Variants in MYBPC3 observed in about 807,000 individuals in gnomAD.
MYBPC3 encodes myosin-binding protein C, cardiac-type.
A neutral mutation model predicts 159.3 loss-of-function variants in MYBPC3; 108 were observed. The ratio of observed to expected loss-of-function variants is 0.68; its 90% CI spans 0.58 to 0.80. The LOEUF (loss-of-function observed/expected upper bound fraction) is 0.80, where lower values mean the gene tolerates loss of function less well. Ranked by LOEUF, MYBPC3 falls within the 30% of genes least tolerant of loss-of-function variation. MYBPC3 has a pLI of 0.00. For synonymous variants in MYBPC3, 730 were observed against 702.0 expected (o/e 1.04, Z -0.63); for missense variants, 1,631 against 1,762.1 (o/e 0.93, Z 1.33).
intron 25 of MYBPC3, among the ~76,000 whole-genome samples, 176 bp downstream of exon 25, chr11:47,337,215 T>C (rs2095883133): frequency 6.6e-6 from 1 of 152,188 alleles, no homozygotes; most frequent in East Asian, 1.9e-4. Flanking sequence ...GCAGGTCATT[T>C]AACTGCTTGG....
chr11:47,332,473 C>G lies in MYBPC3; in HGVS notation c.3627+93G>C. The G allele has an allele frequency of 6.5e-7, 1 of 1,527,146 alleles. No homozygotes were observed. The highest frequency in any genetic ancestry group is 8.8e-7 in the Non-Finnish European group (1 of 1,132,600). The allele number at this position is 1,527,146 out of a possible 1,614,324, so 94.6% of individuals were successfully genotyped here. A position where few individuals can be genotyped will look rare whatever the true frequency, so the allele number is the denominator to read the frequency against. ...CATACACCCCAAGGTGGAGAGAAAGCAGGGGAGACAGGCTGGGGAGAGGAC... is the reference window on the plus strand; with the variant it reads ...CATACACCCCAAGGTGGAGAGAAAGGAGGGGAGACAGGCTGGGGAGAGGAC... On this transcript the variant is annotated intron_variant, in intron 32 of 34. Transcript: ENST00000545968. This position sits in a 1 kb window ranked among gnomAD's most constrained non-coding sequence, Gnocchi z 4.2.
At chr11:47,343,375 G>A in intron 13 of MYBPC3, 113 bp from the exon 14 acceptor site, 2 of 1,482,794 alleles carry the variant, frequency 1.3e-6, no homozygotes, top group Non-Finnish European at 8.9e-7. Context: ...ATTAGGCCCA[G>A]AGAGATGGGG....
chr11:47,332,681 T>C lies in MYBPC3; in HGVS notation c.3512A>G (p.Asn1171Ser), dbSNP rs749752972. ...CTCGGAGAAGTCCAGGGCCTTATAG[T>C]TGGGTGGCTCATAGGTGATGCCTGT... is the stretch of plus-strand genomic sequence containing the variant. Reference protein sequence around the residue: ...PRPGITYEPPNYKALDFSEAP... With the variant: ...PRPGITYEPPSYKALDFSEAP... Residue 1171 changes from asparagine to serine, a missense_variant, in exon 32 of 35, where the codon AAC (asparagine) becomes AGC (serine). Coordinates refer to ENST00000545968, the MANE Select transcript of MYBPC3 (RefSeq NM_000256.3). This position sits in a 1 kb window ranked among gnomAD's most constrained non-coding sequence, Gnocchi z 4.2. 3 of 1,612,034 alleles carry C rather than the reference T, an allele frequency of 1.9e-6. No individual in the cohort carries two copies. In the East Asian group the frequency reaches 6.7e-5, roughly 36 times the overall value.
At chr11:47,340,196 T>C (rs2095887010) in intron 20 of MYBPC3, among the ~76,000 whole-genome samples, 1 of 150,176 alleles carries the variant, frequency 6.7e-6, no homozygotes, top group African/African-American at 2.5e-5. Context: ...GACACACACA[T>C]GCACACAGAC....
intron 24 of MYBPC3, 32 bp downstream of exon 24, chr11:47,337,658 C>G: frequency 6.2e-7 from 1 of 1,603,236 alleles, no homozygotes; most frequent in Non-Finnish European, 8.5e-7. Flanking sequence ...GTTTGGCGCC[C>G]TCACACCTCC....
intron 23 of MYBPC3, 43 bp from the exon 24 acceptor site, chr11:47,337,837 A>G: frequency 1.3e-6 from 2 of 1,515,072 alleles, no homozygotes; most frequent in Non-Finnish European, 8.9e-7. Flanking sequence ...TGCCCCGCTC[A>G]GGGCCTTGAG....
chr11:47,351,628 G>A lies in MYBPC3; in HGVS notation c.26-123C>T, dbSNP rs1025425887. On this transcript the variant is annotated intron_variant, in intron 1 of 34. Transcript: ENST00000545968. The surrounding 1 kb of genome is among the most constrained non-coding windows in gnomAD (Gnocchi z 4.2). ...CATCCCCTCACGTAATACTCTACCA[G>A]TTCTCTGAGGTAGTTGCAGTTATTC... is the stretch of plus-strand genomic sequence containing the variant. The A allele has an allele frequency of 8.9e-7, 1 of 1,124,048 alleles. No individual in the cohort carries two copies. The highest frequency in any genetic ancestry group is 1.9e-5 in the South Asian group (1 of 52,520). 69.6% of individuals were successfully genotyped at this position (1,124,048 alleles called of 1,614,324 possible). A position where few individuals can be genotyped will look rare whatever the true frequency, so the allele number is the denominator to read the frequency against.
chr11:47,342,879 G>A lies in MYBPC3; in HGVS notation c.1408C>T (p.Arg470Trp), dbSNP rs1595846365. The A allele has an allele frequency of 1.2e-5, 19 of 1,612,794 alleles. No homozygotes were observed. Among genetic ancestry groups the A allele is most frequent in the Non-Finnish European group, 1.5e-5 (18 of 1,179,386 alleles). ...GATACTTCACACTCAAACTCCACCC[G>A]CTGCCCCACCATCACCAGCTGGTCC... ...LEDQLVMVGQ[R>W]VEFECEVSEE... Residue 470 changes from arginine to tryptophan, a missense_variant, in exon 16 of 35, where the codon CGG becomes TGG. Transcript: ENST00000545968.
chr11:47,331,607 C>G lies in MYBPC3; in HGVS notation c.*136G>C. 1.9e-6 allele frequency: 1 copy of G among 516,204 alleles called. No individual in the cohort carries two copies. Among genetic ancestry groups the G allele is most frequent in the Non-Finnish European group, 3.5e-6 (1 of 287,636 alleles). The allele number at this position is 516,204 out of a possible 1,614,324, so 32.0% of individuals were successfully genotyped here. A position where few individuals can be genotyped will look rare whatever the true frequency, so the allele number is the denominator to read the frequency against. ...ACTGCCCGACAACTGCCCTGCTGATCCCCCATCGCAGCACAGGAGACACAC... is the reference window on the plus strand; with the variant it reads ...ACTGCCCGACAACTGCCCTGCTGATGCCCCATCGCAGCACAGGAGACACAC... On this transcript the variant is annotated 3_prime_UTR_variant, in exon 35 of 35. Coordinates refer to ENST00000545968, the MANE Select transcript of MYBPC3 (RefSeq NM_000256.3).
Position 47,351,304 on chromosome 11 carries a change from T to C in MYBPC3, c.227A>G (p.Gln76Arg). The change falls in exon 2 of 35, where the codon CAG becomes CGG. Residue 76 changes from glutamine (Q) to arginine (R), a missense_variant. Coordinates refer to ENST00000545968, the MANE Select transcript of MYBPC3 (RefSeq NM_000256.3). The surrounding 1 kb of genome is among the most constrained non-coding windows in gnomAD (Gnocchi z 4.2). ...GCCAGCAATGACTGCGTAAGATCCCTGGTCGGCAGGGCCCACTTCCCGCAC... is the reference window on the plus strand; with the variant it reads ...GCCAGCAATGACTGCGTAAGATCCCCGGTCGGCAGGGCCCACTTCCCGCAC... ...LTVREVGPADQGSYAVIAGSS... is the reference protein window; with the variant it reads ...LTVREVGPADRGSYAVIAGSS... The C allele has an allele frequency of 6.3e-7, 1 of 1,576,818 alleles. No homozygotes were observed. Among genetic ancestry groups the C allele is most frequent in the Non-Finnish European group, 8.6e-7 (1 of 1,160,740 alleles).
chr11:47,350,615 T>C lies in MYBPC3; in HGVS notation c.293A>G (p.Glu98Gly). The C allele has an allele frequency of 6.7e-7, 1 of 1,487,146 alleles. No individual in the cohort carries two copies. The highest frequency in any genetic ancestry group is 1.5e-5 in the African/African-American group (1 of 68,420). 92.1% of individuals were successfully genotyped at this position (1,487,146 alleles called of 1,614,324 possible). Reference sequence around the variant, plus strand: ...AGGGGCCAGCATGGGCTCTGCCTTCTCTGGAGGGGATCAGATGGGAGTCGT... The same window carrying C: ...AGGGGCCAGCATGGGCTCTGCCTTCCCTGGAGGGGATCAGATGGGAGTCGT... ...VKFDLKVIEAEKAEPMLAPAP... is the reference protein window; with the variant it reads ...VKFDLKVIEAGKAEPMLAPAP... The change falls in exon 3 of 35, where the codon GAG becomes GGG. Residue 98 changes from glutamate to glycine, a missense_variant and splice_region_variant. Glu to Gly is a moderately conservative substitution (Grantham distance 98). Coordinates refer to ENST00000545968, the MANE Select transcript of MYBPC3 (RefSeq NM_000256.3).
rs373620343 is a variant in MYBPC3, at chr11:47,332,695, G to T, written c.3498C>A (p.Thr1166=). 1 of 1,608,930 alleles carries T rather than the reference G, an allele frequency of 6.2e-7. No homozygotes were observed. The highest frequency in any genetic ancestry group is 2.2e-5 in the East Asian group (1 of 44,618). The change falls in exon 32 of 35, where the codon ACC becomes ACA. Residue 1166 remains threonine, a synonymous_variant. Coordinates refer to ENST00000545968, the MANE Select transcript of MYBPC3 (RefSeq NM_000256.3). The surrounding 1 kb of genome is among the most constrained non-coding windows in gnomAD (Gnocchi z 4.2). Reference sequence around the variant, plus strand: ...GGGCCTTATAGTTGGGTGGCTCATAGGTGATGCCTGTTGGTGACAGGACTT... The same window carrying T: ...GGGCCTTATAGTTGGGTGGCTCATATGTGATGCCTGTTGGTGACAGGACTT... The part of the protein sequence containing the change: ...EPVFIPRPGI[T]YEPPNYKALD...
rs2095878837 is a variant in MYBPC3 at position 47,333,101 on chromosome 11, G to A, written c.3330+93C>T. 31 of 1,522,732 alleles carry A rather than the reference G, an allele frequency of 2.0e-5. No individual in the cohort carries two copies. In the South Asian group the frequency reaches 3.4e-4, roughly 17 times the overall value. The allele number at this position is 1,522,732 out of a possible 1,614,324, so 94.3% of individuals were successfully genotyped here. On this transcript the variant is annotated intron_variant, in intron 30 of 34. Transcript: ENST00000545968. ...ATTCAGATCAGCAGAGGGAGGGTGA[G>A]GGGTCCACGGTGAGGACAGTGAAGG... is the stretch of plus-strand genomic sequence containing the variant.
In MYBPC3 at chr11:47,335,889, A is replaced by G. The variant is rs2142853602; in HGVS notation, c.2725T>C (p.Cys909Arg). 2 of 1,527,574 alleles carry G rather than the reference A, an allele frequency of 1.3e-6. No individual in the cohort carries two copies. Among genetic ancestry groups the G allele is most frequent in the Admixed American group, 2.1e-5 (1 of 48,636 alleles). The allele number at this position is 1,527,574 out of a possible 1,614,324, so 94.6% of individuals were successfully genotyped here. The part of the protein sequence containing the change: ...GGLDGYSVEY[C>R]PEGCSEWVAA... ...CGGGGACACTCACAGCCCTCTGGGC[A>G]GTACTCCACGCTGTAGCCATCCAGG... Residue 909 changes from cysteine to arginine, a missense_variant, in exon 26 of 35, where the codon TGC becomes CGC. Transcript: ENST00000545968.
At chr11:47,349,103 G>A (rs2095897673) in intron 5 of MYBPC3, among the ~76,000 whole-genome samples, 1 of 151,398 alleles carries the variant, frequency 6.6e-6, no homozygotes, top group Admixed American at 6.6e-5. Flanking sequence ...GCCCCGCACA[G>A]CAGAACATGT....
intron 7 of MYBPC3, 24 bp downstream of exon 7, chr11:47,347,833 C>A (rs1320987714): frequency 1.3e-6 from 2 of 1,558,196 alleles, no homozygotes; most frequent in Admixed American, 1.9e-5. Context: ...TGGCCTCCCC[C>A]AGGCCCTGAG....
At chr11:47,334,719 C>CA (rs1375000281) in intron 27 of MYBPC3, among the ~76,000 whole-genome samples, 4 of 152,178 alleles carry the variant, frequency 2.6e-5, no homozygotes, top group Non-Finnish European at 4.4e-5. Flanking sequence ...CGCGCCACCA[C>CA]ACCTGGCTAG....
intron 20 of MYBPC3, among the ~76,000 whole-genome samples, chr11:47,340,159 A>G (rs1009975176): frequency 6.6e-6 from 1 of 151,776 alleles, no homozygotes; most frequent in African/African-American, 2.4e-5. Context: ...ACACAGACAC[A>G]CATACACATA....
chr11:47,331,765 C>T, intron 34 of MYBPC3, 49 bp from the exon 35 acceptor site: 1 of 1,426,526 alleles, frequency 7.0e-7, no homozygotes. Flanking sequence ...CTACAGCCTC[C>T]CATTTACTGA....
Sources: allele counts gnomAD v4.1 joint callset (sites outside exome capture counted in the v4.1 genomes callset), GRCh38; gene constraint gnomAD v4.1.1; non-coding constraint Gnocchi (gnomAD v3.1); transcripts MANE v1.5; gene names NCBI Gene and HGNC (gene_info 2026-07-23, HGNC 2026-07-21).